The following PPP1R16B variants were observed in gnomAD, a reference collection of about 807,000 sequenced individuals.
PPP1R16B encodes protein phosphatase 1 regulatory inhibitor subunit 16B.
Under a neutral mutation model 61.7 loss-of-function variants are expected in PPP1R16B, and 14 were observed. The ratio of observed to expected loss-of-function variants is 0.23; its 90% CI spans 0.15 to 0.35. The LOEUF (loss-of-function observed/expected upper bound fraction) is 0.35. Among genes scored for constraint, PPP1R16B ranks in the 10% least tolerant of loss-of-function variants. PPP1R16B has a pLI of 1.00. For missense variants in PPP1R16B, 547 were observed against 752.5 expected (o/e 0.73, Z 3.19); for synonymous variants, 266 against 305.3 (o/e 0.87, Z 1.34).
intron 2 of PPP1R16B, among the ~76,000 whole-genome samples, chr20:38,861,199 G>T (rs2085047906): frequency 1.3e-5 from 2 of 152,284 alleles, no homozygotes; most frequent in South Asian, 4.1e-4. Flanking sequence ...CAACCTCTCT[G>T]AGTCTCATCT....
intron 10 of PPP1R16B, among the ~76,000 whole-genome samples, chr20:38,915,371 C>T (rs1406869828): frequency 2.6e-5 from 4 of 152,150 alleles, no homozygotes; most frequent in African/African-American, 7.2e-5. Context: ...ATTCTACTTA[C>T]GCTTCCTCCC....
At chr20:38,840,879 G>A (rs535514430) in intron 2 of PPP1R16B, among the ~76,000 whole-genome samples, 27 of 152,238 alleles carry the variant, frequency 1.8e-4, no homozygotes, top group Non-Finnish European at 3.5e-4. Context: ...CGTTGTTGGG[G>A]GGTTAAATTA....
In PPP1R16B at chr20:38,856,821, C is replaced by T. The variant is rs118151823; in HGVS notation, c.250+20646C>T. On this transcript the variant is annotated intron_variant, in intron 2 of 10. Transcript: ENST00000299824. ...ACATAAGAGGCGTAGCCAGGACTGT[C>T]TGACTTCAGAATCTGTCCTCTAAGC... Among the ~76,000 whole-genome samples, 329 of 152,350 alleles carry T rather than the reference C, an allele frequency of 2.2e-3. 2 individuals are homozygous for T. Among genetic ancestry groups the T allele is most frequent in the Middle Eastern group, 3.4e-3 (1 of 294 alleles).
chr20:38,826,184 A>AAGGG (rs1349186320), intron 1 of PPP1R16B, among the ~76,000 whole-genome samples: 2 of 151,952 alleles, frequency 1.3e-5, no homozygotes, highest in African/African-American at 4.8e-5. Context: ...TCCAGCTGCA[A>AAGGG]AGGGAGTTTT....
At chr20:38,906,297 T>C (rs4810243) in intron 7 of PPP1R16B, among the ~76,000 whole-genome samples, 6 of 131,614 alleles carry the variant, frequency 4.6e-5, no homozygotes, top group African/African-American at 1.8e-4. Context: ...TTTTTTTTTT[T>C]TTTTTTTTTT....
chr20:38,817,368 G>A (rs2084742479), intron 1 of PPP1R16B, among the ~76,000 whole-genome samples: 1 of 151,924 alleles, frequency 6.6e-6, no homozygotes, highest in Non-Finnish European at 1.5e-5. Context: ...TTCAAGACCG[G>A]CCTAGCCAAC....
At chr20:38,837,700 C>T (rs1267632313) in intron 2 of PPP1R16B, among the ~76,000 whole-genome samples, 2 of 152,026 alleles carry the variant, frequency 1.3e-5, no homozygotes, top group African/African-American at 2.4e-5. Context: ...CGTTCACCTC[C>T]ATGCCCTGGC....
At chr20:38,846,255 G>T (rs994527380) in intron 2 of PPP1R16B, among the ~76,000 whole-genome samples, 1 of 152,328 alleles carries the variant, frequency 6.6e-6, no homozygotes, top group Non-Finnish European at 1.5e-5. Context: ...TACTTGGGAA[G>T]TCATCAGCAT....
At chr20:38,850,746 C>A (rs536592908) in intron 2 of PPP1R16B, among the ~76,000 whole-genome samples, 1 of 152,254 alleles carries the variant, frequency 6.6e-6, no homozygotes, top group African/African-American at 2.4e-5. Flanking sequence ...GTGGGCAGAT[C>A]ACCTGAGGTC....
chr20:38,856,628 CT>C (rs1295541620), intron 2 of PPP1R16B, among the ~76,000 whole-genome samples: 25 of 152,312 alleles, frequency 1.6e-4, no homozygotes, highest in African/African-American at 5.8e-4. Flanking sequence ...CTTCATCCTT[CT>C]CTCAACCAGA....
Position 38,908,079 on chromosome 20 carries a change from G to A in PPP1R16B, c.1080G>A (p.Lys360=), listed in dbSNP as rs751283329. Residue 360 remains lysine, a synonymous_variant, in exon 10 of 11, where the codon AAG becomes AAA. Coordinates refer to ENST00000299824, the MANE Select transcript of PPP1R16B (RefSeq NM_015568.4). ...CGGACAGGACCAACCTGTATAGGAAGGAGTATGAGGGAGAGGCCATCCTGT... is the reference window on the plus strand; with the variant it reads ...CGGACAGGACCAACCTGTATAGGAAAGAGTATGAGGGAGAGGCCATCCTGT... ...SLSDRTNLYR[K]EYEGEAILWQ... The A allele has an allele frequency of 9.9e-6, 16 of 1,614,138 alleles. No homozygotes were observed. The highest frequency in any genetic ancestry group is 4.0e-5 in the African/African-American group (3 of 74,948).
At chr20:38,903,182 G>A (rs564457231) in intron 6 of PPP1R16B, among the ~76,000 whole-genome samples, 2 of 152,258 alleles carry the variant, frequency 1.3e-5, no homozygotes, top group Non-Finnish European at 2.9e-5. Flanking sequence ...AGTGGGGCTT[G>A]GAGTTAGGAG....
At position 38,913,966 on chromosome 20, in the gene PPP1R16B, C is replaced by T. The variant is rs535246660; in HGVS notation, c.1195-4191C>T. On this transcript the variant is annotated intron_variant, in intron 10 of 10. Transcript: ENST00000299824. ...CAGCACTTTGAGAGGCCCAGGCAGG[C>T]GGATCATCTGAGGTCAGGAGTTTGA... 4.6e-5 allele frequency among the ~76,000 whole-genome samples: 7 copies of T among 152,204 alleles called. No individual in the cohort carries two copies. The East Asian group carries it at 1.2e-3, about 25-fold the overall frequency.
intron 1 of PPP1R16B, among the ~76,000 whole-genome samples, chr20:38,807,528 C>T (rs925628735): frequency 6.6e-6 from 1 of 152,122 alleles, no homozygotes; most frequent in African/African-American, 2.4e-5. Flanking sequence ...TCCCCCAGCT[C>T]TGTCATAAAA....
At chr20:38,816,020 C>T (rs1301568998) in intron 1 of PPP1R16B, among the ~76,000 whole-genome samples, 2 of 151,818 alleles carry the variant, frequency 1.3e-5, no homozygotes, top group Admixed American at 6.6e-5. Context: ...ATACCGTATG[C>T]ATTATGTCCC....
intron 2 of PPP1R16B, among the ~76,000 whole-genome samples, chr20:38,855,979 G>GAGAGAGAGAGA (rs1464401098): frequency 1.7e-5 from 1 of 58,790 alleles, no homozygotes; most frequent in African/African-American, 6.6e-5. Context: ...GAGAGAGAGA[G>GAGAGAGAGAGA]AGAAGGAGGA....
chr20:38,913,910 C>T (rs1034028046), intron 10 of PPP1R16B, among the ~76,000 whole-genome samples: 3 of 152,054 alleles, frequency 2.0e-5, no homozygotes, highest in African/African-American at 4.8e-5. Context: ...AATCATTTAC[C>T]GCTGGGCGCA....
intron 2 of PPP1R16B, among the ~76,000 whole-genome samples, chr20:38,841,352 T>TG (rs1396046367): frequency 7.7e-5 from 6 of 78,248 alleles, no homozygotes; most frequent in African/African-American, 3.2e-4. Flanking sequence ...CTGTCTGTAC[T>TG]GAAAAAAAAA....
At chr20:38,849,094 T>C (rs2084951900) in intron 2 of PPP1R16B, among the ~76,000 whole-genome samples, 1 of 152,220 alleles carries the variant, frequency 6.6e-6, no homozygotes. Context: ...AGGAAAGCTG[T>C]AGGGTTTTTT....
Sources: allele counts gnomAD v4.1 joint callset (sites outside exome capture counted in the v4.1 genomes callset), GRCh38; gene constraint gnomAD v4.1.1; transcripts MANE v1.5; gene names NCBI Gene and HGNC (gene_info 2026-07-23, HGNC 2026-07-21).